Variants in TTC28 observed in about 807,000 individuals in gnomAD.
TTC28 encodes tetratricopeptide repeat protein 28.
In TTC28, 61 loss-of-function variants were observed where a neutral mutation model predicts 198.0. The observed-to-expected ratio is 0.31, with a 90% CI of 0.25 to 0.38. TTC28 has a LOEUF of 0.38. TTC28 is among the 10% of genes least tolerant of loss of function. The probability of loss-of-function intolerance (pLI) is 1.00; values close to 1 mark genes in which losing one functional copy is unlikely to be tolerated. For missense variants in TTC28, 2,678 were observed against 3,164.0 expected (o/e 0.85, Z 3.69); for synonymous variants, 1,171 against 1,297.8 (o/e 0.90, Z 2.10).
chr22:28,572,609 A>AT (rs547937586), intron 2 of TTC28, among the ~76,000 whole-genome samples: 266 of 152,314 alleles, frequency 1.7e-3, no homozygotes, highest in Middle Eastern at 3.4e-3. Context: ...ATATTAATAC[A>AT]TTTTTTAGGG....
chr22:28,463,261 T>C (rs376046168), intron 2 of TTC28, among the ~76,000 whole-genome samples: 18 of 152,248 alleles, frequency 1.2e-4, no homozygotes, highest in Non-Finnish European at 2.1e-4. Context: ...GACTTGGCAA[T>C]GCAGGCTCTT....
chr22:28,653,503 TAA>T (rs112597005), intron 1 of TTC28, among the ~76,000 whole-genome samples: 3 of 138,656 alleles, frequency 2.2e-5, no homozygotes, highest in Admixed American at 7.2e-5. Flanking sequence ...GACCTTGTCT[TAA>T]AAAAAAAAAA....
At chr22:28,659,470 G>A (rs2051708971) in intron 1 of TTC28, among the ~76,000 whole-genome samples, 2 of 152,034 alleles carry the variant, frequency 1.3e-5, no homozygotes, top group African/African-American at 2.4e-5. Context: ...GGTTTTACCA[G>A]TTGGCCAGGC....
intron 2 of TTC28, among the ~76,000 whole-genome samples, chr22:28,386,272 C>A (rs1441660746): frequency 3.2e-5 from 1 of 31,336 alleles, no homozygotes; most frequent in Non-Finnish European, 4.9e-5. Context: ...GAGACTCCGT[C>A]TCAAAAAAAA....
At chr22:28,039,576 G>A (rs370688635) in intron 12 of TTC28, among the ~76,000 whole-genome samples, 10 of 152,188 alleles carry the variant, frequency 6.6e-5, no homozygotes, top group Admixed American at 2.0e-4. Context: ...TATAAATGAC[G>A]AGTTAATGGG....
intron 2 of TTC28, among the ~76,000 whole-genome samples, chr22:28,472,138 A>G (rs192409319): frequency 5.9e-5 from 9 of 152,190 alleles, no homozygotes; most frequent in African/African-American, 2.2e-4. Flanking sequence ...AAGAGCATCT[A>G]TTTGTATCTA....
At chr22:28,288,921 A>T (rs2145758392) in intron 5 of TTC28, among the ~76,000 whole-genome samples, 1 of 152,268 alleles carries the variant, frequency 6.6e-6, no homozygotes, top group East Asian at 1.9e-4. Context: ...CTCAACCACT[A>T]TCCTATATTG....
intron 5 of TTC28, among the ~76,000 whole-genome samples, chr22:28,165,209 A>G (rs1921782470): frequency 6.6e-6 from 1 of 152,262 alleles, no homozygotes; most frequent in Non-Finnish European, 1.5e-5. Flanking sequence ...TCATTGGTGT[A>G]CCTGAAAGTC....
intron 2 of TTC28, among the ~76,000 whole-genome samples, chr22:28,490,218 C>T (rs1362471887): frequency 6.6e-6 from 1 of 152,204 alleles, no homozygotes; most frequent in Non-Finnish European, 1.5e-5. Flanking sequence ...ACTTCACATC[C>T]TTCAATCCAA....
chr22:28,059,250 C>T (rs1940413342), intron 12 of TTC28, among the ~76,000 whole-genome samples: 1 of 151,890 alleles, frequency 6.6e-6, no homozygotes, highest in Admixed American at 6.6e-5. Flanking sequence ...CTATAAATTT[C>T]CTTCTATCTA....
At chr22:28,335,120 C>G (rs2045688582) in intron 2 of TTC28, among the ~76,000 whole-genome samples, 1 of 152,128 alleles carries the variant, frequency 6.6e-6, no homozygotes, top group African/African-American at 2.4e-5. Flanking sequence ...GAATCCTTTC[C>G]CCATTGCTTG....
chr22:28,165,749 G>A (rs1921857766), intron 5 of TTC28, among the ~76,000 whole-genome samples: 1 of 152,140 alleles, frequency 6.6e-6, no homozygotes. Flanking sequence ...GACCATCCAG[G>A]CTAGGAAGAA....
chr22:28,677,201 TAC>T (rs58904905), intron 1 of TTC28, among the ~76,000 whole-genome samples: 9,454 of 85,204 alleles, frequency 0.11, 631 homozygotes, highest in African/African-American at 0.15. Flanking sequence ...TATATATATA[TAC>T]ACACATATAT....
At chr22:28,167,562 G>GA (rs1228350167) in intron 5 of TTC28, among the ~76,000 whole-genome samples, 3 of 152,022 alleles carry the variant, frequency 2.0e-5, no homozygotes, top group African/African-American at 7.2e-5. Context: ...CAGAACCAAA[G>GA]AAAAAACCAC....
At chr22:28,259,536 A>G (rs1163895200) in intron 5 of TTC28, among the ~76,000 whole-genome samples, 1 of 152,034 alleles carries the variant, frequency 6.6e-6, no homozygotes, top group East Asian at 1.9e-4. Flanking sequence ...AAATGGCTTT[A>G]TTTCTAAAAT....
At chr22:28,654,406 C>T (rs953939003) in intron 1 of TTC28, among the ~76,000 whole-genome samples, 1 of 152,156 alleles carries the variant, frequency 6.6e-6, no homozygotes, top group African/African-American at 2.4e-5. Context: ...CAGCTCACTG[C>T]AACCTCTGCC....
chr22:28,024,950 C>G (rs553790841), intron 13 of TTC28, among the ~76,000 whole-genome samples: 1 of 152,146 alleles, frequency 6.6e-6, no homozygotes, highest in African/African-American at 2.4e-5. Flanking sequence ...CACTCAGCTC[C>G]TTATTGGGGC....
intron 2 of TTC28, among the ~76,000 whole-genome samples, chr22:28,587,302 AGAGGTTGCAGT>A (rs2050336031): frequency 6.6e-6 from 1 of 152,226 alleles, no homozygotes; most frequent in Non-Finnish European, 1.5e-5. Flanking sequence ...CTGAGGAGGT[AGAGGTTGCAGT>A]GAGCGGAAAT....
intron 16 of TTC28, 34 bp downstream of exon 16, chr22:27,998,506 C>T (rs1937591099): frequency 6.5e-7 from 1 of 1,530,652 alleles, no homozygotes; most frequent in African/African-American, 1.4e-5. Flanking sequence ...AGCCCCAGGC[C>T]TTGACAGGCA....
Sources: allele counts gnomAD v4.1 joint callset (sites outside exome capture counted in the v4.1 genomes callset), GRCh38; gene constraint gnomAD v4.1.1; transcripts MANE v1.5; gene names NCBI Gene and HGNC (gene_info 2026-07-23, HGNC 2026-07-21).